GRM3: variants seen among roughly 807,000 people sequenced by gnomAD.
GRM3 encodes the protein metabotropic glutamate receptor 3.
GRM3 carries 26 observed loss-of-function variants against 70.5 expected under a neutral mutation model. The observed-to-expected ratio is 0.37, with a 90% confidence interval of 0.27 to 0.51. The LOEUF (loss-of-function observed/expected upper bound fraction) is 0.51, where lower values mean the gene tolerates loss of function less well. Among genes scored for constraint, GRM3 ranks in the 20% least tolerant of loss-of-function variants. GRM3 has a pLI of 0.93. For missense variants in GRM3, 859 were observed against 1,123.8 expected (o/e 0.76, Z 3.37); for synonymous variants, 443 against 434.9 (o/e 1.02, Z -0.23).
intron 3 of GRM3, among the ~76,000 whole-genome samples, chr7:86,828,921 T>G (rs1371173288): frequency 1.1e-4 from 17 of 152,248 alleles, no homozygotes; most frequent in Non-Finnish European, 2.9e-5. Context: ...TGTAATATTC[T>G]AAATCCTCTC....
intron 1 of GRM3, among the ~76,000 whole-genome samples, chr7:86,684,583 C>T (rs1162882753): frequency 1.3e-5 from 2 of 152,154 alleles, no homozygotes; most frequent in African/African-American, 2.4e-5. Flanking sequence ...CCCCTCAAAG[C>T]TTAAAATTCT....
rs1379733121 is a variant in GRM3 at position 86,839,943 on chromosome 7, C to A, written c.2391+38C>A. The A allele has an allele frequency of 8.5e-7, 1 of 1,178,586 alleles. No individual in the cohort carries two copies. The highest frequency in any genetic ancestry group is 1.3e-6 in the Non-Finnish European group (1 of 790,762). The allele number at this position is 1,178,586 out of a possible 1,614,324, so 73.0% of individuals were successfully genotyped here. ...TTGTTTCTTATTTTTCTTGTTCTTT[C>A]TCCTCCAGTGTTTCTTGTGTAGTAT... On this transcript the variant is annotated intron_variant, in intron 4 of 5. Transcript: ENST00000361669. This position sits in a 1 kb window ranked among gnomAD's most constrained non-coding sequence, Gnocchi z 4.5.
At chr7:86,792,173 G>A (rs1267441557) in intron 3 of GRM3, among the ~76,000 whole-genome samples, 4 of 152,144 alleles carry the variant, frequency 2.6e-5, no homozygotes, top group African/African-American at 7.2e-5. Flanking sequence ...TTTTTATCCT[G>A]AGACCAGTTC....
chr7:86,786,694 A>C lies in GRM3; in HGVS notation c.902A>C (p.Asp301Ala), dbSNP rs2116546092. The change falls in exon 3 of 6, where the codon GAC (aspartate) becomes GCC (alanine). Residue 301 changes from aspartate to alanine, a missense_variant. Transcript: ENST00000361669. This position sits in a 1 kb window ranked among gnomAD's most constrained non-coding sequence, Gnocchi z 6.0. ...GCCTCCTTCACCTGGGTGGCCAGCG[A>C]CGGCTGGGGCGCGCAGGAGAGCATC... Reference protein sequence around the residue: ...ANASFTWVASDGWGAQESIIK... With the variant: ...ANASFTWVASAGWGAQESIIK... 1 of 1,612,396 alleles carries C rather than the reference A, an allele frequency of 6.2e-7. No individual in the cohort carries two copies. The highest frequency in any genetic ancestry group is 8.5e-7 in the Non-Finnish European group (1 of 1,179,950).
intron 1 of GRM3, among the ~76,000 whole-genome samples, chr7:86,691,241 T>C (rs1476232536): frequency 6.6e-6 from 1 of 152,172 alleles, no homozygotes; most frequent in Admixed American, 6.6e-5. Flanking sequence ...ATCATTGCCA[T>C]TGCCTGGATC....
chr7:86,691,688 G>A (rs1422357345), intron 1 of GRM3, among the ~76,000 whole-genome samples: 3 of 152,136 alleles, frequency 2.0e-5, no homozygotes, highest in Non-Finnish European at 4.4e-5. Flanking sequence ...GAGTAGATTT[G>A]TTATCACAGG....
At chr7:86,775,186 A>G (rs1253772418) in intron 2 of GRM3, 1 of 152,114 alleles carries the variant, frequency 6.6e-6, no homozygotes, top group Non-Finnish European at 1.5e-5. Flanking sequence ...TAGGAATTTA[A>G]AAGTTCTTCA....
intron 1 of GRM3, among the ~76,000 whole-genome samples, chr7:86,716,006 C>T (rs1795305404): frequency 6.6e-6 from 1 of 151,956 alleles, no homozygotes; most frequent in Non-Finnish European, 1.5e-5. Flanking sequence ...ATAGTAGCAA[C>T]CACCTACGTG....
intron 1 of GRM3, among the ~76,000 whole-genome samples, chr7:86,662,642 A>G (rs575385794): frequency 6.6e-6 from 1 of 152,066 alleles, no homozygotes; most frequent in Admixed American, 6.6e-5. Flanking sequence ...CATCGGCTCA[A>G]ACATTTTTCT....
At chr7:86,818,290 A>G (rs1015341756) in intron 3 of GRM3, among the ~76,000 whole-genome samples, 8 of 152,108 alleles carry the variant, frequency 5.3e-5, no homozygotes, top group Admixed American at 1.3e-4. Context: ...AACATGTGAT[A>G]ATGACTATAG....
At chr7:86,707,180 T>C (rs1210358835) in intron 1 of GRM3, among the ~76,000 whole-genome samples, 1 of 152,122 alleles carries the variant, frequency 6.6e-6, no homozygotes, top group Non-Finnish European at 1.5e-5. Flanking sequence ...CATTTTTTCC[T>C]ATAGTCCTCC....
intron 3 of GRM3, among the ~76,000 whole-genome samples, chr7:86,820,054 C>A (rs1354252854): frequency 1.3e-5 from 2 of 152,172 alleles, no homozygotes; most frequent in Non-Finnish European, 2.9e-5. Context: ...CAGACTTTTA[C>A]AAATTGAACC....
intron 1 of GRM3, among the ~76,000 whole-genome samples, chr7:86,719,536 T>G (rs1005180956): frequency 2.6e-5 from 4 of 152,038 alleles, no homozygotes; most frequent in African/African-American, 9.7e-5. Flanking sequence ...ACACAATGGA[T>G]TAAGGTGGAC....
intron 3 of GRM3, among the ~76,000 whole-genome samples, chr7:86,819,538 C>A (rs1798078171): frequency 6.6e-6 from 1 of 152,084 alleles, no homozygotes; most frequent in African/African-American, 2.4e-5. Flanking sequence ...GTAGCAGCAA[C>A]AATCAGAGAT....
intron 3 of GRM3, among the ~76,000 whole-genome samples, chr7:86,815,321 G>A (rs374307465): frequency 2.6e-5 from 4 of 151,836 alleles, no homozygotes; most frequent in African/African-American, 9.6e-5. Context: ...GCTCATCTAT[G>A]GATACCTCTA....
intron 1 of GRM3, among the ~76,000 whole-genome samples, chr7:86,717,128 T>C (rs192579914): frequency 3.4e-4 from 52 of 152,132 alleles, no homozygotes. Flanking sequence ...TGTCCCATTA[T>C]AAAATGCATC....
At position 86,850,564 on chromosome 7, in the gene GRM3, C is replaced by T. The variant is rs564134667; in HGVS notation, c.2566+20C>T. ...CTCAGTGTAAGTATGGAACTCAGCA[C>T]TAACTCCTTCATACATAGCATTGTA... On this transcript the variant is annotated intron_variant, in intron 5 of 5. Coordinates refer to ENST00000361669, the MANE Select transcript of GRM3 (RefSeq NM_000840.3). 1.1e-5 allele frequency: 17 copies of T among 1,520,548 alleles called. No individual in the cohort carries two copies. The Admixed American group carries it at 2.0e-4, about 18-fold the overall frequency. 94.2% of individuals were successfully genotyped at this position (1,520,548 alleles called of 1,614,324 possible). A position where few individuals can be genotyped will look rare whatever the true frequency, so the allele number is the denominator to read the frequency against.
chr7:86,757,469 AG>A (rs1479909622), intron 1 of GRM3, among the ~76,000 whole-genome samples: 3 of 152,178 alleles, frequency 2.0e-5, no homozygotes, highest in Non-Finnish European at 4.4e-5. Flanking sequence ...AGTCTTTCTA[AG>A]GTTTTAATAA....
intron 1 of GRM3, among the ~76,000 whole-genome samples, chr7:86,688,767 T>G (rs1303764789): frequency 1.4e-5 from 2 of 148,110 alleles, no homozygotes; most frequent in Non-Finnish European, 3.0e-5. Context: ...ATCTCTCACA[T>G]ATATAATATG....
Sources: gnomAD v4.1 joint callset for allele counts (sites outside exome capture counted in the v4.1 genomes callset) on GRCh38, gnomAD v4.1.1 for gene constraint, Gnocchi (gnomAD v3.1) non-coding constraint, MANE v1.5 for transcripts, NCBI Gene and HGNC (gene_info 2026-07-23, HGNC 2026-07-21) for gene names.